Variants in NINL observed in about 807,000 individuals in gnomAD.
NINL encodes the protein ninein like.
In NINL, 153 loss-of-function variants were observed where a neutral mutation model predicts 160.3. The observed-to-expected ratio is 0.95, with a 90% CI of 0.84 to 1.09. The LOEUF (loss-of-function observed/expected upper bound fraction) is 1.09. Among genes scored for constraint, NINL ranks in the 50% least tolerant of loss-of-function variants. The pLI, the probability that NINL is intolerant of heterozygous loss-of-function variation, is 0.00. For missense variants in NINL, 1,829 were observed against 1,764.0 expected (o/e 1.04, Z -0.66); for synonymous variants, 800 against 734.8 (o/e 1.09, Z -1.43).
chr20:25,583,235 G>T (rs1033911986), intron 1 of NINL, among the ~76,000 whole-genome samples: 2 of 151,866 alleles, frequency 1.3e-5, no homozygotes, highest in South Asian at 2.1e-4. Flanking sequence ...TCTGACAAAG[G>T]TCTAATATCC....
intron 5 of NINL, among the ~76,000 whole-genome samples, chr20:25,509,410 C>G (rs2064025871): frequency 6.6e-6 from 1 of 152,240 alleles, no homozygotes; most frequent in Non-Finnish European, 1.5e-5. Context: ...CTTCCTTGAG[C>G]ACTGCAGCCC....
At chr20:25,491,586 C>A in intron 10 of NINL, 61 bp from the exon 11 acceptor site, 2 of 1,559,304 alleles carry the variant, frequency 1.3e-6, no homozygotes. Flanking sequence ...AGGCCCACGC[C>A]ACCCCCTTCC....
chr20:25,489,037 C>A lies in NINL; in HGVS notation c.1677+207G>T, dbSNP rs73335329. The A allele has an allele frequency of 7.8e-3, 4,617 of 593,584 alleles. 150 individuals are homozygous for A. The highest frequency in any genetic ancestry group is 0.067 in the African/African-American group (3,618 of 53,868). The allele number at this position is 593,584 out of a possible 1,614,324, so 36.8% of individuals were successfully genotyped here. ...GAAGACAACAATGCCCTGCATGGTC[C>A]CTGGACACACAGAGGCGGCCTTCAG... On this transcript the variant is annotated intron_variant, in intron 13 of 23. Coordinates refer to ENST00000278886, the MANE Select transcript of NINL (RefSeq NM_025176.6).
At chr20:25,574,355 C>CTTT (rs374056975) in intron 1 of NINL, among the ~76,000 whole-genome samples, 1 of 146,594 alleles carries the variant, frequency 6.8e-6, no homozygotes, top group Admixed American at 6.8e-5. Flanking sequence ...CCACCACCGT[C>CTTT]TTTTTTTTTT....
At chr20:25,526,165 AAT>A (rs1234632362) in intron 2 of NINL, among the ~76,000 whole-genome samples, 1 of 152,232 alleles carries the variant, frequency 6.6e-6, no homozygotes, top group Non-Finnish European at 1.5e-5. Context: ...AAACCACTAA[AAT>A]ATCTCTCTGG....
Position 25,529,617 on chromosome 20 carries a change from TAA to T in NINL, c.-11-3021_-11-3020del, listed in dbSNP as rs201731294. Among the ~76,000 whole-genome samples the T allele has an allele frequency of 8.6e-3, 1,301 of 152,122 alleles. 17 individuals are homozygous for T. Among genetic ancestry groups the T allele is most frequent in the African/African-American group, 0.029 (1,222 of 41,488 alleles). ...AACAATGAAAATGGACAGAAAACCA[TAA>T]ACAATAAATCGGAAAGCAAACTAAG... On this transcript the variant is annotated intron_variant, in intron 1 of 23. Transcript: ENST00000278886.
At chr20:25,499,304 G>C in intron 8 of NINL, 1 of 898,044 alleles carries the variant, frequency 1.1e-6, no homozygotes, top group East Asian at 1.2e-4. Flanking sequence ...CCTGAGGTCA[G>C]AAATGCTGAC....
At chr20:25,561,824 C>T (rs1600346628) in intron 1 of NINL, among the ~76,000 whole-genome samples, 2 of 150,820 alleles carry the variant, frequency 1.3e-5, no homozygotes, top group Middle Eastern at 7.0e-3. Flanking sequence ...AAGTGAGGAG[C>T]CCCTCCGCCC....
chr20:25,545,814 C>T (rs1366537708), intron 1 of NINL, among the ~76,000 whole-genome samples: 1 of 152,188 alleles, frequency 6.6e-6, no homozygotes. Flanking sequence ...AATCTACATT[C>T]TGAAGAGAAT....
At chr20:25,527,313 C>A (rs1031135170) in intron 1 of NINL, among the ~76,000 whole-genome samples, 3 of 152,046 alleles carry the variant, frequency 2.0e-5, no homozygotes, top group Non-Finnish European at 4.4e-5. Flanking sequence ...GCCACCACTC[C>A]CAGCTAATTT....
chr20:25,541,863 C>T (rs946706937), intron 1 of NINL, among the ~76,000 whole-genome samples: 10 of 152,138 alleles, frequency 6.6e-5, no homozygotes, highest in African/African-American at 2.2e-4. Flanking sequence ...AAGAATCATC[C>T]GTGTATGATC....
At chr20:25,456,858 G>A (rs2090697201) in intron 22 of NINL, among the ~76,000 whole-genome samples, 1 of 152,022 alleles carries the variant, frequency 6.6e-6, no homozygotes, top group South Asian at 2.1e-4. Flanking sequence ...CTTGAACCCA[G>A]GAGGTGGAGG....
chr20:25,557,704 C>T (rs2064884655), intron 1 of NINL, among the ~76,000 whole-genome samples: 1 of 152,040 alleles, frequency 6.6e-6, no homozygotes, highest in Non-Finnish European at 1.5e-5. Context: ...GACAATTCCA[C>T]AAGCATATTT....
intron 9 of NINL, 58 bp downstream of exon 9, chr20:25,498,152 T>C: frequency 1.3e-6 from 2 of 1,599,098 alleles, no homozygotes; most frequent in Non-Finnish European, 1.7e-6. Context: ...CAGACCCCCC[T>C]CCAGGCCCAC....
chr20:25,556,819 G>T (rs2064872676), intron 1 of NINL, among the ~76,000 whole-genome samples: 1 of 152,044 alleles, frequency 6.6e-6, no homozygotes, highest in South Asian at 2.1e-4. Flanking sequence ...ATATATAAGG[G>T]CCAATAATCC....
At chr20:25,504,435 C>T (rs143050709) in intron 6 of NINL, among the ~76,000 whole-genome samples, 1 of 152,268 alleles carries the variant, frequency 6.6e-6, no homozygotes, top group Non-Finnish European at 1.5e-5. Flanking sequence ...CAGTGTGAGG[C>T]CCAGCAAGGA....
chr20:25,550,873 C>T (rs1294461929), intron 1 of NINL, among the ~76,000 whole-genome samples: 1 of 152,200 alleles, frequency 6.6e-6, no homozygotes, highest in Non-Finnish European at 1.5e-5. Context: ...GCAGAGAGGC[C>T]TTCCTCTTTC....
At chr20:25,559,216 T>C (rs1360049917) in intron 1 of NINL, among the ~76,000 whole-genome samples, 1 of 152,150 alleles carries the variant, frequency 6.6e-6, no homozygotes, top group East Asian at 1.9e-4. Flanking sequence ...TAAGGCAGTG[T>C]GCTCAGCTCG....
At chr20:25,479,698 C>G (rs1010212250) in intron 15 of NINL, among the ~76,000 whole-genome samples, 1 of 152,200 alleles carries the variant, frequency 6.6e-6, no homozygotes, top group Non-Finnish European at 1.5e-5. Context: ...GTCATGGACA[C>G]TGTCCCTCAA....
Sources: allele counts gnomAD v4.1 joint callset (sites outside exome capture counted in the v4.1 genomes callset), GRCh38; gene constraint gnomAD v4.1.1; transcripts MANE v1.5; gene names NCBI Gene and HGNC (gene_info 2026-07-23, HGNC 2026-07-21).